The following TNC variants were observed in gnomAD, a reference collection of about 807,000 sequenced individuals.
TNC encodes the protein tenascin C.
TNC carries 109 observed loss-of-function variants against 202.4 expected under a neutral mutation model. The ratio of observed to expected loss-of-function variants is 0.54; its 90% CI spans 0.46 to 0.63. TNC has a LOEUF of 0.63. Ranked by LOEUF, TNC falls within the 30% of genes least tolerant of loss-of-function variation. The pLI is 0.00. For missense variants in TNC, 2,756 were observed against 2,833.3 expected, an observed-to-expected ratio of 0.97 and a Z score of 0.62; for synonymous variants, 1,007 against 1,089.7, an observed-to-expected ratio of 0.92 and a Z score of 1.50.
chr9:115,083,858 G>A (rs1430370781), intron 4 of TNC, among the ~76,000 whole-genome samples: 1 of 152,104 alleles, frequency 6.6e-6, no homozygotes, highest in Non-Finnish European at 1.5e-5. Flanking sequence ...ACCTACTTTG[G>A]CCTCCCAAAG....
At chr9:115,031,725 G>A (rs1400311427) in intron 22 of TNC, 40 bp from the exon 23 acceptor site, 1 of 1,595,114 alleles carries the variant, frequency 6.3e-7, no homozygotes, top group Non-Finnish European at 8.5e-7. Context: ...TTTGGTCACA[G>A]AAATTCTCAG....
intron 4 of TNC, among the ~76,000 whole-genome samples, chr9:115,083,057 G>A (rs918863070): frequency 4.6e-5 from 7 of 152,216 alleles, no homozygotes; most frequent in African/African-American, 1.7e-4. Context: ...GCAGGCTTTG[G>A]AATCAGACAG....
At chr9:115,025,025 AT>A (rs1205339601) in intron 26 of TNC, among the ~76,000 whole-genome samples, 1 of 152,206 alleles carries the variant, frequency 6.6e-6, no homozygotes. Flanking sequence ...GCACGTAGAT[AT>A]TAATGAAACA....
intron 4 of TNC, among the ~76,000 whole-genome samples, chr9:115,083,943 A>G (rs1313332041): frequency 6.6e-6 from 1 of 152,216 alleles, no homozygotes; most frequent in African/African-American, 2.4e-5. Context: ...ACTGCTTACA[A>G]CAAAGTCTGA....
intron 6 of TNC, 135 bp downstream of exon 6, chr9:115,081,637 C>T: frequency 6.8e-6 from 7 of 1,023,192 alleles, no homozygotes; most frequent in Non-Finnish European, 7.3e-6. Flanking sequence ...TTTTAAACCA[C>T]TGTATCTGGA....
chr9:115,057,073 G>A, intron 15 of TNC, 80 bp downstream of exon 15: 1 of 1,494,386 alleles, frequency 6.7e-7, no homozygotes. Context: ...GTACATCAAT[G>A]GGAGAGGAGA....
chr9:115,112,491 A>G (rs542133694), intron 1 of TNC: 45 of 152,276 alleles, frequency 3.0e-4, no homozygotes, highest in African/African-American at 1.0e-3. Context: ...CAGCCCCCAA[A>G]TCTTTTTAAA....
At chr9:115,053,105 G>A (rs1831833619) in intron 15 of TNC, 6 of 639,588 alleles carry the variant, frequency 9.4e-6, no homozygotes, top group Non-Finnish European at 1.1e-5. Flanking sequence ...GAACATGAAA[G>A]CATCAATATC....
intron 15 of TNC, among the ~76,000 whole-genome samples, 189 bp from the exon 16 acceptor site, chr9:115,048,721 A>C (rs1044788672): frequency 1.1e-4 from 16 of 152,234 alleles, no homozygotes; most frequent in African/African-American, 3.9e-4. Context: ...TTCTCTTAAT[A>C]GCCCATGAGG....
In TNC at chr9:115,086,419, G is replaced by A. The variant is rs771475685; in HGVS notation, c.1312C>T (p.Arg438Trp). ...CGACTGTGACAGTCATTGGGGCACC[G>A]TAGCTGGCTGCAGTCCTCCCCAGTA... ...GYTGEDCSQL[R>W]CPNDCHSRGR... The change falls in exon 3 of 28, where the codon CGG (arginine) becomes TGG (tryptophan). Residue 438 changes from arginine to tryptophan, a missense_variant. Arg to Trp is a moderately radical substitution (Grantham distance 101). Transcript: ENST00000350763. The A allele has an allele frequency of 5.3e-5, 85 of 1,612,762 alleles. No homozygotes were observed. Among genetic ancestry groups the A allele is most frequent in the Middle Eastern group, 1.6e-4 (1 of 6,078 alleles).
At chr9:115,103,270 C>T (rs1487778360) in intron 1 of TNC, among the ~76,000 whole-genome samples, 3 of 152,166 alleles carry the variant, frequency 2.0e-5, no homozygotes, top group Non-Finnish European at 4.4e-5. Flanking sequence ...TTGGCCAGGC[C>T]TAAGATGCAC....
chr9:115,052,804 G>C, intron 15 of TNC: 1 of 702,666 alleles, frequency 1.4e-6, no homozygotes, highest in African/African-American at 1.7e-5. Flanking sequence ...CTGCCACACT[G>C]ACGTCATAGC....
intron 17 of TNC, among the ~76,000 whole-genome samples, chr9:115,043,455 A>G (rs1830929542): frequency 6.6e-6 from 1 of 152,078 alleles, no homozygotes; most frequent in Non-Finnish European, 1.5e-5. Context: ...TCCAAATACC[A>G]CTGAGAGGCT....
At chr9:115,047,346 C>G (rs534614583) in intron 16 of TNC, among the ~76,000 whole-genome samples, 2 of 150,702 alleles carry the variant, frequency 1.3e-5, no homozygotes, top group African/African-American at 4.9e-5. Context: ...ATACTGTGGA[C>G]CCAGGGTTTC....
chr9:115,026,508 G>A (rs12551586), intron 26 of TNC, 26 bp downstream of exon 26: 1 of 1,608,004 alleles, frequency 6.2e-7, no homozygotes, highest in Non-Finnish European at 8.5e-7. Flanking sequence ...TGGCTTTGTA[G>A]GCTCTACGTG....
In TNC at chr9:115,090,704, G is replaced by A; in HGVS notation, c.315C>T (p.Asn105=). The A allele has an allele frequency of 6.2e-7, 1 of 1,614,198 alleles. No homozygotes were observed. The change falls in exon 2 of 28, where the codon AAC becomes AAT. Residue 105 remains asparagine, a synonymous_variant. Coordinates refer to ENST00000350763, the MANE Select transcript of TNC (RefSeq NM_002160.4). ...CACAGCCACAGGCCCGGCGGGGGAT[G>A]TTGATGCGATGTGTGAAGACAATCT... ...ENQIVFTHRI[N]IPRRACGCAA...
At chr9:115,081,384 C>T (rs776548765) in intron 6 of TNC, among the ~76,000 whole-genome samples, 3 of 152,020 alleles carry the variant, frequency 2.0e-5, no homozygotes, top group Non-Finnish European at 2.9e-5. Flanking sequence ...ATAAACTGGC[C>T]GTGGGATGTG....
At chr9:115,105,549 G>A (rs963114452) in intron 1 of TNC, among the ~76,000 whole-genome samples, 1 of 152,162 alleles carries the variant, frequency 6.6e-6, no homozygotes, top group Admixed American at 6.5e-5. Context: ...ATGTTAAAGG[G>A]TGGTTTGCAT....
At chr9:115,108,808 A>G (rs1836817917) in intron 1 of TNC, among the ~76,000 whole-genome samples, 1 of 152,202 alleles carries the variant, frequency 6.6e-6, no homozygotes, top group Admixed American at 6.5e-5. Flanking sequence ...GAGACCCCAT[A>G]GAGCTGCCTT....
Sources: gnomAD v4.1 joint callset for allele counts (sites outside exome capture counted in the v4.1 genomes callset) on GRCh38, gnomAD v4.1.1 for gene constraint, MANE v1.5 for transcripts, NCBI Gene and HGNC (gene_info 2026-07-23, HGNC 2026-07-21) for gene names.